SETD7: variants seen among roughly 807,000 people sequenced by gnomAD.
SETD7 encodes the protein SET domain containing 7, histone lysine methyltransferase, also known as histone-lysine N-methyltransferase SETD7.
Under a neutral mutation model 41.8 loss-of-function variants are expected in SETD7, and 16 were observed. The observed-to-expected ratio is 0.38, with a 90% CI of 0.26 to 0.58. The LOEUF is 0.58. Ranked by LOEUF, SETD7 falls within the 20% of genes least tolerant of loss-of-function variation. SETD7 has a pLI of 0.64. For synonymous variants in SETD7, 163 were observed against 169.7 expected, an observed-to-expected ratio of 0.96 and a Z score of 0.31; for missense variants, 346 against 459.7, an observed-to-expected ratio of 0.75 and a Z score of 2.26.
chr4:139,498,677 T>C (rs1407637732), intron 7 of SETD7, among the ~76,000 whole-genome samples: 1 of 152,226 alleles, frequency 6.6e-6, no homozygotes, highest in South Asian at 2.1e-4. Context: ...GACTTTCTCC[T>C]GCCCTTCTGT....
At chr4:139,537,675 A>G (rs1727676427) in intron 2 of SETD7, among the ~76,000 whole-genome samples, 1 of 152,210 alleles carries the variant, frequency 6.6e-6, no homozygotes, top group Non-Finnish European at 1.5e-5. Context: ...CCCAACATAT[A>G]AACTTCATGT....
intron 7 of SETD7, among the ~76,000 whole-genome samples, chr4:139,499,588 GAC>G (rs1429860412): frequency 6.6e-6 from 1 of 152,140 alleles, no homozygotes; most frequent in Non-Finnish European, 1.5e-5. Context: ...GCTGCATGAA[GAC>G]AGTTTAGACA....
rs1728278621 is a variant in SETD7, at chr4:139,556,194, G to A, written c.-57C>T. ...GCGCGGCTGCCTCCCGTCCCTCTGG[G>A]TGCTCCCGGCGGCTGAGCGAGCTCT... On this transcript the variant is annotated 5_prime_UTR_variant, in exon 1 of 8. Transcript: ENST00000274031. 5 of 1,547,228 alleles carry A rather than the reference G, an allele frequency of 3.2e-6. No individual in the cohort carries two copies. The highest frequency in any genetic ancestry group is 1.7e-4 in the Middle Eastern group (1 of 5,918).
In SETD7 at chr4:139,554,056, G is replaced by A. The variant is rs11732959; in HGVS notation, c.40+2042C>T. On this transcript the variant is annotated intron_variant, in intron 1 of 7. Transcript: ENST00000274031. ...TAGGGGCTTTTAAAGATTCTGTGCT[G>A]CTCTAATTGTTTAGTTAGCTACAAC... Among the ~76,000 whole-genome samples the A allele has an allele frequency of 4.2e-4, 64 of 152,284 alleles. 1 individual carries two copies. Among genetic ancestry groups the A allele is most frequent in the Non-Finnish European group, 5.4e-4 (37 of 68,032 alleles).
chr4:139,550,504 TC>T (rs1398111123), intron 1 of SETD7, among the ~76,000 whole-genome samples: 3 of 152,192 alleles, frequency 2.0e-5, no homozygotes, highest in South Asian at 4.2e-4. Flanking sequence ...ATATTTAATA[TC>T]CCGGATTAGT....
At chr4:139,539,994 G>A (rs570611665) in intron 2 of SETD7, among the ~76,000 whole-genome samples, 3 of 152,228 alleles carry the variant, frequency 2.0e-5, no homozygotes, top group South Asian at 2.1e-4. Context: ...AAGCCACCCA[G>A]TCTATGGAAT....
Position 139,535,851 on chromosome 4 carries a change from T to C in SETD7, c.171-2485A>G, listed in dbSNP as rs533059266. On this transcript the variant is annotated intron_variant, in intron 2 of 7. Transcript: ENST00000274031. ...GACAAAAGAGGGCATATTACACACA[T>C]AAACTGGGTTCTCCAGGGTGATAAA... Among the ~76,000 whole-genome samples, 7 of 152,236 alleles carry C rather than the reference T, an allele frequency of 4.6e-5. No individual in the cohort carries two copies. The South Asian group carries it at 1.2e-3, about 27-fold the overall frequency.
Position 139,533,337 on chromosome 4 carries a change from G to C in SETD7, c.200C>G (p.Ala67Gly). The C allele has an allele frequency of 6.2e-7, 1 of 1,614,018 alleles. No individual in the cohort carries two copies. Among genetic ancestry groups the C allele is most frequent in the African/African-American group, 1.3e-5 (1 of 75,026 alleles). Residue 67 changes from alanine (A) to glycine (G), a missense_variant, in exon 3 of 8, where the codon GCC (alanine) becomes GGC (glycine). By Grantham distance (60) the Ala-to-Gly change is moderately conservative. This residue lies in a region of SETD7 where 266 missense variants were observed against 377.0 expected (regional missense o/e 0.71). Coordinates refer to ENST00000274031, the MANE Select transcript of SETD7 (RefSeq NM_030648.4). ...STLEGYYVDD[A>G]LQGQGVYTYE... is the part of the protein sequence containing the mutation. ...AGTGTAAACTCCCTGGCCCTGCAAG[G>C]CATCATCCACATAATACCCCTCCAG... is the stretch of plus-strand genomic sequence containing the variant.
intron 2 of SETD7, 107 bp from the exon 3 acceptor site, chr4:139,533,473 C>T: frequency 1.0e-6 from 1 of 952,514 alleles, no homozygotes; most frequent in Non-Finnish European, 1.6e-6. Flanking sequence ...TCAGCCCTGA[C>T]ATGGATTCAG....
chr4:139,555,948 C>A lies in SETD7; in HGVS notation c.40+150G>T, dbSNP rs1361192295. The A allele has an allele frequency of 1.6e-6, 1 of 613,372 alleles. No individual in the cohort carries two copies. The highest frequency in any genetic ancestry group is 7.9e-5 in the South Asian group (1 of 12,694). The allele number at this position is 613,372 out of a possible 1,614,324, so 38.0% of individuals were successfully genotyped here. A position where few individuals can be genotyped will look rare whatever the true frequency, so the allele number is the denominator to read the frequency against. ...CTCCCGGCGGCGTGACCGTGGCTGTCGGGCCCCCGCCCGAGCCGGGCAACC... is the reference window on the plus strand; with the variant it reads ...CTCCCGGCGGCGTGACCGTGGCTGTAGGGCCCCCGCCCGAGCCGGGCAACC... On this transcript the variant is annotated intron_variant, in intron 1 of 7. Transcript: ENST00000274031. The surrounding 1 kb of genome is among the most constrained non-coding windows in gnomAD (Gnocchi z 4.0).
downstream of SETD7, among the ~76,000 whole-genome samples, chr4:139,493,141 A>G (rs189013528): frequency 8.1e-4 from 124 of 152,344 alleles, no homozygotes; most frequent in Middle Eastern, 0.014. Flanking sequence ...TAACAAATAC[A>G]CAAAATAACT....
At chr4:139,517,138 C>A (rs1727046416) in intron 7 of SETD7, among the ~76,000 whole-genome samples, 1 of 152,164 alleles carries the variant, frequency 6.6e-6, no homozygotes, top group South Asian at 2.1e-4. Context: ...AGATGTCATG[C>A]CCTAGGCTTA....
chr4:139,555,489 G>A lies in SETD7; in HGVS notation c.40+609C>T, dbSNP rs1230728749. On this transcript the variant is annotated intron_variant, in intron 1 of 7. Transcript: ENST00000274031. The surrounding 1 kb of genome is among the most constrained non-coding windows in gnomAD (Gnocchi z 4.0). Reference sequence around the variant, plus strand: ...CGCCTCCCGGACGGCGCACGTTCGAGTCCCGGGTCGGGAGACTTGTCCGTC... The same window carrying A: ...CGCCTCCCGGACGGCGCACGTTCGAATCCCGGGTCGGGAGACTTGTCCGTC... Among the ~76,000 whole-genome samples the A allele has an allele frequency of 1.3e-5, 2 of 152,108 alleles. No homozygotes were observed. The highest frequency in any genetic ancestry group is 4.8e-5 in the African/African-American group (2 of 41,450).
At chr4:139,520,222 T>C in intron 6 of SETD7, 55 bp downstream of exon 6, 1 of 917,964 alleles carries the variant, frequency 1.1e-6, no homozygotes, top group South Asian at 1.9e-5. Flanking sequence ...GGATTTTGTT[T>C]GAAGCAAAGC....
chr4:139,497,087 A>T (rs1042632438), intron 7 of SETD7, among the ~76,000 whole-genome samples: 30 of 152,352 alleles, frequency 2.0e-4, no homozygotes, highest in African/African-American at 7.0e-4. Flanking sequence ...GTTTTAAAAG[A>T]TAAACCAGTT....
chr4:139,536,305 G>T (rs916161288), intron 2 of SETD7, among the ~76,000 whole-genome samples: 3 of 152,064 alleles, frequency 2.0e-5, no homozygotes, highest in Non-Finnish European at 4.4e-5. Flanking sequence ...CTTAAGGCCA[G>T]CCGGGGGAAA....
rs1307412532 is a variant in SETD7, at chr4:139,496,337, T to C, written c.*16A>G. ...TATCAGTAGGCAGAGTTCATTCCATTCGCTTTTATCTTTTCTTAATTACTC... is the reference window on the plus strand; with the variant it reads ...TATCAGTAGGCAGAGTTCATTCCATCCGCTTTTATCTTTTCTTAATTACTC... On this transcript the variant is annotated 3_prime_UTR_variant, in exon 8 of 8. Transcript: ENST00000506866. 4 of 700,616 alleles carry C rather than the reference T, an allele frequency of 5.7e-6. No homozygotes were observed. In the African/African-American group the frequency reaches 7.0e-5, roughly 12 times the overall value. The allele number at this position is 700,616 out of a possible 1,614,324, so 43.4% of individuals were successfully genotyped here.
chr4:139,539,581 C>T (rs991486489), intron 2 of SETD7, among the ~76,000 whole-genome samples: 1 of 152,154 alleles, frequency 6.6e-6, no homozygotes, highest in African/African-American at 2.4e-5. Context: ...TATTACAAAG[C>T]CTCAAAGTAA....
At chr4:139,551,952 A>G (rs557319227) in intron 1 of SETD7, among the ~76,000 whole-genome samples, 1 of 152,186 alleles carries the variant, frequency 6.6e-6, no homozygotes, top group Admixed American at 6.5e-5. Flanking sequence ...TCAATCACCA[A>G]CTCTTAAAAA....
Sources: allele counts gnomAD v4.1 joint callset (sites outside exome capture counted in the v4.1 genomes callset), GRCh38; gene constraint gnomAD v4.1.1; regional missense constraint gnomAD v4.1.1; non-coding constraint Gnocchi (gnomAD v3.1); transcripts MANE v1.5; gene names NCBI Gene and HGNC (gene_info 2026-07-23, HGNC 2026-07-21).